NEDD4L: variants seen among roughly 807,000 people sequenced by gnomAD.
The protein encoded by NEDD4L is NEDD4 like E3 ubiquitin protein ligase, also known as E3 ubiquitin-protein ligase NEDD4-like.
In NEDD4L, 54 loss-of-function variants were observed where a neutral mutation model predicts 148.9. The observed-to-expected ratio is 0.36, with a 90% CI of 0.29 to 0.45. The LOEUF is 0.45. Ranked by LOEUF, NEDD4L falls within the 20% of genes least tolerant of loss-of-function variation. The pLI, the probability that NEDD4L is intolerant of heterozygous loss-of-function variation, is 1.00. For synonymous variants in NEDD4L, 433 were observed against 440.7 expected (o/e 0.98, Z 0.22); for missense variants, 856 against 1,233.8 (o/e 0.69, Z 4.59).
At chr18:58,058,340 C>G (rs950786827) in intron 1 of NEDD4L, among the ~76,000 whole-genome samples, 2 of 152,136 alleles carry the variant, frequency 1.3e-5, no homozygotes, top group African/African-American at 2.4e-5. Flanking sequence ...AAAATGGACT[C>G]TCTTAGCCAC....
At position 58,344,025 on chromosome 18, in the gene NEDD4L, A is replaced by G. The variant is rs76969659; in HGVS notation, c.1575+922A>G. Among the ~76,000 whole-genome samples, 225 of 152,268 alleles carry G rather than the reference A, an allele frequency of 1.5e-3. 1 individual carries two copies. The highest frequency in any genetic ancestry group is 0.011 in the East Asian group (57 of 5,190). On this transcript the variant is annotated intron_variant, in intron 16 of 30. Coordinates refer to ENST00000400345, the MANE Select transcript of NEDD4L (RefSeq NM_001144967.3). ...ACTCAGAGTTTAACTTGGTCCTACT[A>G]TTATCTGTGCTACTTGCTCAAAACT...
intron 2 of NEDD4L, among the ~76,000 whole-genome samples, chr18:58,235,993 A>G (rs1416295361): frequency 6.6e-6 from 1 of 151,978 alleles, no homozygotes; most frequent in Non-Finnish European, 1.5e-5. Flanking sequence ...AGATTGTGCC[A>G]CTGCACTCCA....
intron 1 of NEDD4L, among the ~76,000 whole-genome samples, chr18:58,080,570 G>A (rs948499557): frequency 6.6e-6 from 1 of 152,330 alleles, no homozygotes; most frequent in Middle Eastern, 3.4e-3. Context: ...TATTGCTATA[G>A]AGAGCAGGGC....
intron 1 of NEDD4L, among the ~76,000 whole-genome samples, chr18:58,155,401 C>T (rs2035359314): frequency 6.6e-6 from 1 of 150,802 alleles, no homozygotes; most frequent in Middle Eastern, 3.5e-3. Flanking sequence ...AAAATAATTT[C>T]ACAAATTTCT....
chr18:58,334,486 G>A (rs2041459642), intron 12 of NEDD4L, among the ~76,000 whole-genome samples: 1 of 152,198 alleles, frequency 6.6e-6, no homozygotes, highest in Admixed American at 6.5e-5. Context: ...AAGTTGGAAG[G>A]CAGACTAGAA....
intron 5 of NEDD4L, 100 bp downstream of exon 5, chr18:58,252,154 AGT>A: frequency 1.3e-6 from 1 of 777,710 alleles, no homozygotes; most frequent in Non-Finnish European, 2.3e-6. Context: ...TACTTAGGAC[AGT>A]ATATGTGCCC....
chr18:58,366,400 G>C lies in NEDD4L; in HGVS notation c.2063+172G>C, dbSNP rs1391883587. 1.3e-5 allele frequency among the ~76,000 whole-genome samples: 2 copies of C among 152,152 alleles called. No individual in the cohort carries two copies. The highest frequency in any genetic ancestry group is 2.9e-5 in the Non-Finnish European group (2 of 68,038). On this transcript the variant is annotated intron_variant, in intron 21 of 30. Coordinates refer to ENST00000400345, the MANE Select transcript of NEDD4L (RefSeq NM_001144967.3). The surrounding 1 kb of genome is among the most constrained non-coding windows in gnomAD (Gnocchi z 4.2). Reference sequence around the variant, plus strand: ...TCTAGAACAGGTTCTGACTCTACGTGGTGAAATAGTGTACTCTGCGAACAT... The same window carrying C: ...TCTAGAACAGGTTCTGACTCTACGTCGTGAAATAGTGTACTCTGCGAACAT...
intron 1 of NEDD4L, among the ~76,000 whole-genome samples, chr18:58,141,661 A>AT (rs2033522570): frequency 1.3e-5 from 2 of 152,212 alleles, no homozygotes; most frequent in Admixed American, 1.3e-4. Context: ...AGTGTCATGA[A>AT]TATTTTCATG....
chr18:58,287,111 T>C (rs1045871258), intron 5 of NEDD4L, among the ~76,000 whole-genome samples: 1 of 152,056 alleles, frequency 6.6e-6, no homozygotes, highest in Non-Finnish European at 1.5e-5. Flanking sequence ...TTTTTTTTGT[T>C]TTTTTCTGGG....
rs1390594086 is a variant in NEDD4L, at chr18:58,333,892, G to T, written c.1065G>T (p.Pro355=). 1 of 1,605,012 alleles carries T rather than the reference G, an allele frequency of 6.2e-7. No homozygotes were observed. The highest frequency in any genetic ancestry group is 8.5e-7 in the Non-Finnish European group (1 of 1,174,740). The change falls in exon 12 of 31, where the codon CCG becomes CCT. Residue 355 remains proline, a splice_region_variant and synonymous_variant. Transcript: ENST00000400345. ...TTGCAGAACAGGGCCATCTACCACC[G>T]GTAACCCATGCTAATTTCCAGTCAT... ...DAVAEQGHLP[P]PSAPAGRARS...
chr18:58,123,993 G>T (rs1054846840), intron 1 of NEDD4L, among the ~76,000 whole-genome samples: 2 of 152,218 alleles, frequency 1.3e-5, no homozygotes, highest in Middle Eastern at 3.4e-3. Context: ...GCCTTATGAC[G>T]TTTCTCTTTA....
At position 58,401,426 on chromosome 18, in the gene NEDD4L, T is replaced by TA. The variant is rs1338053110; in HGVS notation, c.*5158dup. On this transcript the variant is annotated 3_prime_UTR_variant, in exon 31 of 31. Coordinates refer to ENST00000400345, the MANE Select transcript of NEDD4L (RefSeq NM_001144967.3). ...TCTTGAGAGATCTAAAGAGAAACTG[T>TA]AGATTGTTTTCCTGACAGCAAAAGA... 6.6e-6 allele frequency: 1 copy of TA among 152,172 alleles called. No individual in the cohort carries two copies. The highest frequency in any genetic ancestry group is 1.5e-5 in the Non-Finnish European group (1 of 68,028). The allele number at this position is 152,172 out of a possible 1,614,324, so 9.4% of individuals were successfully genotyped here.
At chr18:58,103,718 T>C (rs1259171459) in intron 1 of NEDD4L, among the ~76,000 whole-genome samples, 1 of 152,170 alleles carries the variant, frequency 6.6e-6, no homozygotes, top group Non-Finnish European at 1.5e-5. Context: ...GTGATAATGC[T>C]AGAAGTGAAA....
At chr18:58,281,796 C>T (rs1019659252) in intron 5 of NEDD4L, among the ~76,000 whole-genome samples, 14 of 151,940 alleles carry the variant, frequency 9.2e-5, no homozygotes, top group Non-Finnish European at 1.3e-4. Flanking sequence ...GAAGCCGAGA[C>T]GGGCGGATCA....
chr18:58,374,040 A>G (rs1161297299), intron 24 of NEDD4L, among the ~76,000 whole-genome samples: 3 of 152,156 alleles, frequency 2.0e-5, no homozygotes, highest in Admixed American at 6.5e-5. Context: ...TTCAGACTAA[A>G]TCTCCACGGC....
At position 58,180,527 on chromosome 18, in the gene NEDD4L, C is replaced by T. The variant is rs115199338; in HGVS notation, c.122+14666C>T. On this transcript the variant is annotated intron_variant, in intron 2 of 30. Transcript: ENST00000400345. ...TCTGTGCTTGGCCGACTCCAGCGCCCGTTCTTCTGCCCCTCCTTGGCTCTG... is the reference window on the plus strand; with the variant it reads ...TCTGTGCTTGGCCGACTCCAGCGCCTGTTCTTCTGCCCCTCCTTGGCTCTG... Among the ~76,000 whole-genome samples, 680 of 152,312 alleles carry T rather than the reference C, an allele frequency of 4.5e-3. 2 individuals are homozygous for T. The highest frequency in any genetic ancestry group is 0.016 in the African/African-American group (662 of 41,572).
chr18:58,390,612 G>A (rs751324031), intron 28 of NEDD4L, 34 bp from the exon 29 acceptor site: 1 of 1,378,066 alleles, frequency 7.3e-7, no homozygotes, highest in Non-Finnish European at 1.0e-6. Flanking sequence ...TGGGTCACGT[G>A]GGGGGTATAA....
At chr18:58,315,836 A>G (rs542513937) in intron 5 of NEDD4L, 146 bp from the exon 6 acceptor site, 10 of 755,252 alleles carry the variant, frequency 1.3e-5, no homozygotes, top group Non-Finnish European at 2.2e-5. Context: ...GGGTGTGGTT[A>G]CTCGTGTCTC....
chr18:58,159,519 C>CA (rs2146482370), intron 1 of NEDD4L, among the ~76,000 whole-genome samples: 1 of 152,160 alleles, frequency 6.6e-6, no homozygotes, highest in South Asian at 2.1e-4. Context: ...GCCTTCTGCT[C>CA]AATTTTGCTG....
Sources: gnomAD v4.1 joint callset for allele counts (sites outside exome capture counted in the v4.1 genomes callset) on GRCh38, gnomAD v4.1.1 for gene constraint, Gnocchi (gnomAD v3.1) non-coding constraint, MANE v1.5 for transcripts, NCBI Gene and HGNC (gene_info 2026-07-23, HGNC 2026-07-21) for gene names.